Variants in OR1J2 observed in about 807,000 individuals in gnomAD.
OR1J2 encodes olfactory receptor 1J2.
For synonymous variants in OR1J2, 142 were observed against 99.7 expected (o/e 1.42, Z -2.52); for missense variants, 304 against 246.1 (o/e 1.24, Z -1.57).
At chr9:122,568,274 A>C in the OR1J2 span, 1 of 1,614,090 alleles carries the variant, frequency 6.2e-7, no homozygotes, top group Non-Finnish European at 8.5e-7. Flanking sequence ...TATCAGTGAG[A>C]GACAGAAAAC....
the OR1J2 span, among the ~76,000 whole-genome samples, chr9:122,550,232 C>T: frequency 6.6e-6 from 1 of 152,082 alleles, no homozygotes; most frequent in Non-Finnish European, 1.5e-5. Flanking sequence ...TAAACCAATA[C>T]TGAGTAGTGA....
the OR1J2 span, among the ~76,000 whole-genome samples, chr9:122,540,612 TC>T: frequency 6.6e-6 from 1 of 152,124 alleles, no homozygotes; most frequent in Non-Finnish European, 1.5e-5. Flanking sequence ...CTTTTTTGGT[TC>T]CATATGAACT....
At chr9:122,506,165 A>AT (rs904655129), upstream of OR1J2, among the ~76,000 whole-genome samples, 3 of 151,904 alleles carry the variant, frequency 2.0e-5, no homozygotes, top group East Asian at 3.9e-4. Flanking sequence ...TGGAGTCAGT[A>AT]TTTTTTTTAA....
chr9:122,477,662 G>A, the OR1J2 span: 1 of 1,614,208 alleles, frequency 6.2e-7, no homozygotes, highest in Non-Finnish European at 8.5e-7. Flanking sequence ...ACGGCTAGGT[G>A]CTGAGTCTGC....
At chr9:122,550,368 A>G in the OR1J2 span, among the ~76,000 whole-genome samples, 34 of 152,284 alleles carry the variant, frequency 2.2e-4, no homozygotes, top group African/African-American at 7.5e-4. Context: ...CAAAAAATCA[A>G]TGAGGAAAGA....
the OR1J2 span, among the ~76,000 whole-genome samples, chr9:122,550,363 A>C: frequency 6.6e-6 from 1 of 152,152 alleles, no homozygotes; most frequent in South Asian, 2.1e-4. Flanking sequence ...TCTTCCAAAA[A>C]ATCAATGAGG....
At chr9:122,553,596 A>C in the OR1J2 span, 3 of 1,614,102 alleles carry the variant, frequency 1.9e-6, no homozygotes, top group Admixed American at 3.3e-5. Context: ...CTATGTGGCC[A>C]TCTGCCAACC....
the OR1J2 span, among the ~76,000 whole-genome samples, chr9:122,549,657 A>G: frequency 6.6e-6 from 1 of 152,120 alleles, no homozygotes; most frequent in African/African-American, 2.4e-5. Flanking sequence ...ACTTTGTCAA[A>G]TATCAGTTGG....
the OR1J2 span, among the ~76,000 whole-genome samples, chr9:122,460,468 A>C: frequency 6.6e-6 from 1 of 152,036 alleles, no homozygotes; most frequent in African/African-American, 2.4e-5. Context: ...TCCTTGGTCT[A>C]TATGCCTGTT....
the OR1J2 span, chr9:122,526,371 A>G: frequency 1.3e-6 from 2 of 1,501,678 alleles, no homozygotes; most frequent in South Asian, 1.4e-5. Context: ...AGAGGAAACA[A>G]TACTCCTGTG....
the OR1J2 span, among the ~76,000 whole-genome samples, chr9:122,544,930 T>C: frequency 6.6e-6 from 1 of 152,182 alleles, no homozygotes; most frequent in African/African-American, 2.4e-5. Context: ...ATTTAGAACA[T>C]TGTTATTAAC....
the OR1J2 span, among the ~76,000 whole-genome samples, chr9:122,505,059 C>T: frequency 6.6e-6 from 1 of 152,152 alleles, no homozygotes; most frequent in Non-Finnish European, 1.5e-5. Flanking sequence ...TTGACAGAGT[C>T]TCCAAGTCCT....
chr9:122,457,852 C>T, the OR1J2 span, among the ~76,000 whole-genome samples: 1 of 152,076 alleles, frequency 6.6e-6, no homozygotes, highest in East Asian at 1.9e-4. Context: ...AACATCTACC[C>T]CTTTAAAAAG....
chr9:122,484,766 C>T, the OR1J2 span, among the ~76,000 whole-genome samples: 1 of 151,542 alleles, frequency 6.6e-6, no homozygotes, highest in Non-Finnish European at 1.5e-5. Flanking sequence ...GGTGCGTTGG[C>T]TCACACCTGT....
chr9:122,563,689 G>A, the OR1J2 span, among the ~76,000 whole-genome samples: 6 of 152,142 alleles, frequency 3.9e-5, no homozygotes, highest in African/African-American at 1.4e-4. Flanking sequence ...TCTTTAGCCA[G>A]ATCAATGTCA....
the OR1J2 span, chr9:122,526,690 C>T: frequency 1.5e-5 from 25 of 1,614,126 alleles, no homozygotes; most frequent in South Asian, 2.6e-4. Flanking sequence ...AGTACGGTGC[C>T]TCCCAAGACA....
chr9:122,553,758 G>C, the OR1J2 span: 14 of 1,614,014 alleles, frequency 8.7e-6, no homozygotes, highest in Non-Finnish European at 1.2e-5. Context: ...TTTCTATTGT[G>C]ATCCTAGTGC....
the OR1J2 span, among the ~76,000 whole-genome samples, chr9:122,450,662 T>C: frequency 6.6e-6 from 1 of 152,276 alleles, no homozygotes; most frequent in Middle Eastern, 3.4e-3. Flanking sequence ...TTCACTATAG[T>C]CATCATACTG....
At chr9:122,532,859 T>C in the OR1J2 span, among the ~76,000 whole-genome samples, 1 of 151,890 alleles carries the variant, frequency 6.6e-6, no homozygotes, top group African/African-American at 2.4e-5. Context: ...AGGAGTTGTT[T>C]TGTAAGGGAT....
Sources: allele counts gnomAD v4.1 joint callset (sites outside exome capture counted in the v4.1 genomes callset), GRCh38; gene constraint gnomAD v4.1.1; transcripts MANE v1.5; gene names NCBI Gene and HGNC (gene_info 2026-07-23, HGNC 2026-07-21).